Variants in NAF1 observed in about 807,000 individuals in gnomAD.
The protein encoded by NAF1 is H/ACA ribonucleoprotein complex non-core subunit NAF1.
In NAF1, 11 loss-of-function variants were observed where a neutral mutation model predicts 40.6. The observed-to-expected ratio is 0.27, with a 90% confidence interval of 0.17 to 0.45. The LOEUF is 0.45. Ranked by LOEUF, NAF1 falls within the 20% of genes least tolerant of loss-of-function variation. The probability of loss-of-function intolerance (pLI) is 1.00; values close to 1 mark genes in which losing one functional copy is unlikely to be tolerated. For synonymous variants in NAF1, 260 were observed against 228.5 expected (o/e 1.14, Z -1.24); for missense variants, 607 against 611.1 (o/e 0.99, Z 0.07).
At chr4:163,138,499 A>G (rs940282371) in intron 5 of NAF1, among the ~76,000 whole-genome samples, 8 of 152,132 alleles carry the variant, frequency 5.3e-5, no homozygotes, top group African/African-American at 1.9e-4. Flanking sequence ...ACTTTTAACA[A>G]GACAGTAAGT....
Position 163,128,906 on chromosome 4 carries a change from A to C in NAF1, c.1476T>G (p.Pro492=). The part of the protein sequence containing the change: ...SSGDSNSHFG[P]YY Reference sequence around the variant, plus strand: ...GGAAATGCATAGTCACCTAATAGTAAGGTCCAAAATGAGAATTACTATCTC... The same window carrying C: ...GGAAATGCATAGTCACCTAATAGTACGGTCCAAAATGAGAATTACTATCTC... The change falls in exon 8 of 8, where the codon CCT becomes CCG. Residue 492 remains proline, a synonymous_variant. Transcript: ENST00000274054. The C allele has an allele frequency of 6.8e-7, 1 of 1,470,256 alleles. No individual in the cohort carries two copies. Among genetic ancestry groups the C allele is most frequent in the South Asian group, 1.3e-5 (1 of 74,856 alleles). 91.1% of individuals were successfully genotyped at this position (1,470,256 alleles called of 1,614,324 possible).
intron 4 of NAF1, among the ~76,000 whole-genome samples, chr4:163,145,071 T>C (rs1279101546): frequency 6.6e-6 from 1 of 152,202 alleles, no homozygotes; most frequent in African/African-American, 2.4e-5. Flanking sequence ...CTGTCCCTAT[T>C]GCCAGGAAAT....
intron 2 of NAF1, among the ~76,000 whole-genome samples, chr4:163,148,956 C>T (rs1166608853): frequency 6.6e-6 from 1 of 152,242 alleles, no homozygotes; most frequent in East Asian, 1.9e-4. Context: ...GAAATGACAC[C>T]TATCAGTGAA....
intron 1 of NAF1, 32 bp from the exon 2 acceptor site, chr4:163,164,423 C>T: frequency 7.0e-7 from 1 of 1,423,726 alleles, no homozygotes; most frequent in Non-Finnish European, 9.4e-7. Flanking sequence ...AAAAAATAGT[C>T]CAGTATTATT....
downstream of NAF1, among the ~76,000 whole-genome samples, chr4:163,126,201 A>G (rs1730650133): frequency 6.6e-6 from 1 of 152,200 alleles, no homozygotes; most frequent in Admixed American, 6.5e-5. Flanking sequence ...TTATGCAAGA[A>G]TATTTTTTGC....
chr4:163,152,761 T>C (rs1579175321), intron 2 of NAF1, among the ~76,000 whole-genome samples: 1 of 152,338 alleles, frequency 6.6e-6, no homozygotes. Flanking sequence ...GAGGAGCCCT[T>C]CAGCCCACCG....
Position 163,129,202 on chromosome 4 carries a change from G to C in NAF1, c.1180C>G (p.His394Asp). ...RSCHGRPPPQ[H>D]FYNSEHMVSQ... ...ACCATATGTTCTGAGTTATAGAAATGCTGAGGTGGAGGCCTGCCATGGCAA... is the reference window on the plus strand; with the variant it reads ...ACCATATGTTCTGAGTTATAGAAATCCTGAGGTGGAGGCCTGCCATGGCAA... The change falls in exon 8 of 8, where the codon CAT becomes GAT. Residue 394 changes from histidine (H) to aspartate (D), a missense_variant. His to Asp is a moderately conservative substitution (Grantham distance 81). Around this residue, in one of 3 missense-constraint regions of NAF1, gnomAD observed 189 missense variants for 216.6 expected, o/e 0.87. Transcript: ENST00000274054. The C allele has an allele frequency of 6.2e-7, 1 of 1,613,814 alleles. No individual in the cohort carries two copies. The highest frequency in any genetic ancestry group is 1.3e-5 in the African/African-American group (1 of 75,032).
chr4:163,123,080 C>T (rs1197742347), downstream of NAF1, among the ~76,000 whole-genome samples: 1 of 152,220 alleles, frequency 6.6e-6, no homozygotes, highest in Non-Finnish European at 1.5e-5. Context: ...CACAGTTCTA[C>T]AGGTTGTAAA....
chr4:163,137,308 C>A, intron 5 of NAF1, 58 bp from the exon 6 acceptor site: 1 of 1,542,956 alleles, frequency 6.5e-7, no homozygotes, highest in Non-Finnish European at 8.7e-7. Flanking sequence ...ATTAAGTGCT[C>A]ATAACTTAAA....
chr4:163,134,307 A>C (rs981243623), intron 6 of NAF1, among the ~76,000 whole-genome samples: 15 of 152,206 alleles, frequency 9.9e-5, no homozygotes, highest in African/African-American at 3.6e-4. Context: ...ATGTATATGA[A>C]AGTCTTTGTA....
At chr4:163,120,985 G>A (rs755213129) in intron 2 of NAF1, among the ~76,000 whole-genome samples, 8 of 152,028 alleles carry the variant, frequency 5.3e-5, no homozygotes, top group Non-Finnish European at 1.2e-4. Context: ...TCCGCCTCTC[G>A]GGTTCAAGCA....
chr4:163,104,150 G>A, the NAF1 span, among the ~76,000 whole-genome samples: 1 of 152,086 alleles, frequency 6.6e-6, no homozygotes, highest in African/African-American at 2.4e-5. Context: ...AAGGTTAATC[G>A]CTCAGTTAAG....
At chr4:163,165,772 G>C (rs1279108765) in intron 1 of NAF1, among the ~76,000 whole-genome samples, 2 of 152,184 alleles carry the variant, frequency 1.3e-5, no homozygotes, top group African/African-American at 4.8e-5. Flanking sequence ...AAAGACAGGT[G>C]TGGGGGCAAG....
At chr4:163,159,238 A>G (rs961007877) in intron 2 of NAF1, among the ~76,000 whole-genome samples, 1 of 152,152 alleles carries the variant, frequency 6.6e-6, no homozygotes, top group African/African-American at 2.4e-5. Context: ...GTAAGATATA[A>G]AACTTTAATT....
At chr4:163,147,931 G>T (rs569131519) in intron 3 of NAF1, among the ~76,000 whole-genome samples, 6 of 152,182 alleles carry the variant, frequency 3.9e-5, no homozygotes, top group African/African-American at 1.4e-4. Context: ...AAAGAGCAAG[G>T]AAGTAAGATT....
chr4:163,112,948 C>G (rs1730207951), intron 2 of NAF1, among the ~76,000 whole-genome samples: 1 of 152,136 alleles, frequency 6.6e-6, no homozygotes, highest in Non-Finnish European at 1.5e-5. Context: ...TTATGAATCT[C>G]AAGTGATACC....
intron 2 of NAF1, chr4:163,119,844 T>G (rs1428967580): frequency 6.6e-6 from 1 of 152,212 alleles, no homozygotes; most frequent in Non-Finnish European, 1.5e-5. Context: ...TTAATAGGAT[T>G]TGAATGAATA....
intron 2 of NAF1, among the ~76,000 whole-genome samples, chr4:163,163,251 G>A (rs1029072692): frequency 6.6e-6 from 1 of 152,020 alleles, no homozygotes; most frequent in Non-Finnish European, 1.5e-5. Context: ...CAAATCCAAA[G>A]GTCTTCAAGT....
At chr4:163,148,522 T>C (rs947123427) in intron 2 of NAF1, 88 bp from the exon 3 acceptor site, 4 of 866,450 alleles carry the variant, frequency 4.6e-6, no homozygotes, top group Non-Finnish European at 7.2e-6. Flanking sequence ...GTGCTACACA[T>C]CTCTGAAAAT....
Sources: allele counts gnomAD v4.1 joint callset (sites outside exome capture counted in the v4.1 genomes callset), GRCh38; gene constraint gnomAD v4.1.1; regional missense constraint gnomAD v4.1.1; transcripts MANE v1.5; gene names NCBI Gene and HGNC (gene_info 2026-07-23, HGNC 2026-07-21).